Variants in KAZN observed in about 807,000 individuals in gnomAD.
KAZN encodes kazrin, periplakin interacting protein, also known as kazrin.
KAZN carries 40 observed loss-of-function variants against 87.4 expected under a neutral mutation model. That is an observed-to-expected ratio of 0.46 (90% CI 0.36 to 0.60). KAZN has a LOEUF of 0.60. Among genes scored for constraint, KAZN ranks in the 20% least tolerant of loss-of-function variants. The pLI is 0.00. For synonymous variants in KAZN, 466 were observed against 458.3 expected, an observed-to-expected ratio of 1.02 and a Z score of -0.22; for missense variants, 898 against 1,073.9, an observed-to-expected ratio of 0.84 and a Z score of 2.29.
upstream of KAZN, among the ~76,000 whole-genome samples, chr1:14,593,847 TG>T (rs745365866): frequency 2.0e-5 from 3 of 152,170 alleles, no homozygotes; most frequent in Non-Finnish European, 4.4e-5. Flanking sequence ...GCAAGTGGTG[TG>T]GTGCAAGAAG....
chr1:14,188,225 G>A (rs1330695621), intron 2 of KAZN, among the ~76,000 whole-genome samples: 2 of 144,302 alleles, frequency 1.4e-5, no homozygotes, highest in Non-Finnish European at 3.1e-5. Context: ...GTGTGTGTGT[G>A]TGTGTGTGTG....
intron 1 of KAZN, among the ~76,000 whole-genome samples, chr1:14,056,867 A>C (rs1204302963): frequency 6.6e-6 from 1 of 152,088 alleles, no homozygotes; most frequent in African/African-American, 2.4e-5. Flanking sequence ...AAACAAACAG[A>C]AAACATTCAG....
At chr1:14,349,918 C>T (rs1049086806) in intron 2 of KAZN, among the ~76,000 whole-genome samples, 2 of 151,944 alleles carry the variant, frequency 1.3e-5, no homozygotes, top group East Asian at 1.9e-4. Context: ...GGGCGGATCA[C>T]GAGTTCAGGA....
intron 1 of KAZN, among the ~76,000 whole-genome samples, chr1:13,894,745 T>C (rs1638971111): frequency 6.6e-6 from 1 of 152,174 alleles, no homozygotes; most frequent in South Asian, 2.1e-4. Flanking sequence ...CTTCCTGGGG[T>C]ATCCGTCCCC....
chr1:14,551,085 CATT>C (rs1673488377), intron 2 of KAZN, among the ~76,000 whole-genome samples: 1 of 152,082 alleles, frequency 6.6e-6, no homozygotes. Context: ...TCAGAATAGT[CATT>C]ATGTTACATA....
intron 1 of KAZN, among the ~76,000 whole-genome samples, chr1:14,107,651 GT>G (rs1257512403): frequency 6.6e-6 from 1 of 152,198 alleles, no homozygotes; most frequent in African/African-American, 2.4e-5. Flanking sequence ...AGTGTGAGAT[GT>G]AGGGATGAGT....
At chr1:14,478,278 G>GA (rs1553178154) in intron 2 of KAZN, among the ~76,000 whole-genome samples, 74 of 148,750 alleles carry the variant, frequency 5.0e-4, no homozygotes, top group African/African-American at 1.5e-3. Context: ...AGGAAGAAAG[G>GA]AAGGAAGGAA....
At chr1:13,896,871 C>T (rs1032328068) in intron 1 of KAZN, among the ~76,000 whole-genome samples, 2 of 152,062 alleles carry the variant, frequency 1.3e-5, no homozygotes, top group Non-Finnish European at 2.9e-5. Flanking sequence ...CACTAAAGGG[C>T]GCCTAGGATT....
At chr1:14,366,800 C>T (rs761249206) in intron 2 of KAZN, among the ~76,000 whole-genome samples, 1 of 152,240 alleles carries the variant, frequency 6.6e-6, no homozygotes. Flanking sequence ...GGCTGCTTTC[C>T]ACCAGCAAGG....
At chr1:14,339,211 G>A (rs1557649395) in intron 2 of KAZN, among the ~76,000 whole-genome samples, 1 of 152,148 alleles carries the variant, frequency 6.6e-6, no homozygotes, top group Non-Finnish European at 1.5e-5. Flanking sequence ...GCTCCCAAAT[G>A]CTATCATCCC....
intron 2 of KAZN, among the ~76,000 whole-genome samples, chr1:14,375,612 C>T (rs1027487193): frequency 6.6e-5 from 10 of 152,096 alleles, no homozygotes; most frequent in African/African-American, 2.4e-4. Flanking sequence ...GGAGGCTGGG[C>T]ACGGTGGCTC....
At chr1:14,022,580 A>C (rs1221912413) in intron 1 of KAZN, among the ~76,000 whole-genome samples, 4 of 151,402 alleles carry the variant, frequency 2.6e-5, no homozygotes, top group Non-Finnish European at 5.9e-5. Context: ...CGTATGATGC[A>C]GCGTTTCTAT....
At chr1:14,153,207 C>T (rs886266556) in intron 1 of KAZN, among the ~76,000 whole-genome samples, 3 of 152,094 alleles carry the variant, frequency 2.0e-5, no homozygotes, top group African/African-American at 4.8e-5. Flanking sequence ...TTGATGTGTT[C>T]ACATATGTCC....
intron 1 of KAZN, among the ~76,000 whole-genome samples, chr1:14,632,662 G>C (rs989852238): frequency 6.7e-6 from 1 of 148,414 alleles, no homozygotes; most frequent in Non-Finnish European, 1.5e-5. Flanking sequence ...TCTTCCAAAT[G>C]AACTTGCACT....
At chr1:14,627,973 A>G (rs867443055) in intron 1 of KAZN, among the ~76,000 whole-genome samples, 50 of 151,618 alleles carry the variant, frequency 3.3e-4, no homozygotes, top group Non-Finnish European at 2.1e-4. Flanking sequence ...CAAGATGGAT[A>G]TGGAACTCTC....
Position 14,374,596 on chromosome 1 carries a change from G to A in KAZN, c.249+194004G>A, listed in dbSNP as rs116603912. Among the ~76,000 whole-genome samples the A allele has an allele frequency of 5.2e-3, 792 of 152,218 alleles. 6 individuals are homozygous for A. The highest frequency in any genetic ancestry group is 0.01 in the Admixed American group (156 of 15,298). The stretch of plus-strand genomic sequence containing the variant: ...AACTTTCTTTGAGCTAATTAGCAAA[G>A]TCTCTAGTGATGATCAAAGTTCAGT... On this transcript the variant is annotated intron_variant, in intron 2 of 16. Transcript: ENST00000636203.
At chr1:14,458,039 G>T (rs930385789) in intron 2 of KAZN, among the ~76,000 whole-genome samples, 4 of 152,046 alleles carry the variant, frequency 2.6e-5, no homozygotes, top group African/African-American at 9.7e-5. Flanking sequence ...AGCCAGGATG[G>T]TCTCAATCTC....
rs1668859812 is a variant in KAZN at position 15,005,007 on chromosome 1, A to G, written c.419-29742A>G. 3.9e-5 allele frequency among the ~76,000 whole-genome samples: 6 copies of G among 152,206 alleles called. No homozygotes were observed. In the South Asian group the frequency reaches 1.2e-3, roughly 32 times the overall value. On this transcript the variant is annotated intron_variant, in intron 2 of 14. Coordinates refer to ENST00000376030, the MANE Select transcript of KAZN (RefSeq NM_201628.3). ...TTGAGCTGGTGATACAGAGGTAAAT[A>G]CGCCCAGGTTGCTATTTTGAGACCT... is the stretch of plus-strand genomic sequence containing the variant.
At chr1:14,420,010 C>G (rs1665278629) in intron 2 of KAZN, among the ~76,000 whole-genome samples, 1 of 152,192 alleles carries the variant, frequency 6.6e-6, no homozygotes, top group African/African-American at 2.4e-5. Context: ...ATTCCCTTAT[C>G]TGGACCCACC....
Sources: allele counts gnomAD v4.1 joint callset (sites outside exome capture counted in the v4.1 genomes callset), GRCh38; gene constraint gnomAD v4.1.1; transcripts MANE v1.5; gene names NCBI Gene and HGNC (gene_info 2026-07-23, HGNC 2026-07-21).